The following COPS4 variants were observed in gnomAD, a reference collection of about 807,000 sequenced individuals.
The protein encoded by COPS4 is COP9 signalosome complex subunit 4.
A neutral mutation model predicts 55.1 loss-of-function variants in COPS4; 8 were observed. The observed-to-expected ratio is 0.15, with a 90% confidence interval of 0.09 to 0.26. COPS4 has a LOEUF of 0.26. Ranked by LOEUF, COPS4 falls within the 10% of genes least tolerant of loss-of-function variation. The pLI is 1.00. For missense variants in COPS4, 248 were observed against 484.0 expected, an observed-to-expected ratio of 0.51 and a Z score of 4.58; for synonymous variants, 185 against 165.7, an observed-to-expected ratio of 1.12 and a Z score of -0.90.
At chr4:83,062,361 C>A (rs952442342) in intron 6 of COPS4, among the ~76,000 whole-genome samples, 18 of 152,340 alleles carry the variant, frequency 1.2e-4, no homozygotes, top group African/African-American at 4.3e-4. Flanking sequence ...TCTTCTTTAT[C>A]TGTGGATTCC....
At chr4:83,071,514 G>A (rs1334189330) in intron 9 of COPS4, among the ~76,000 whole-genome samples, 1 of 152,088 alleles carries the variant, frequency 6.6e-6, no homozygotes, top group East Asian at 1.9e-4. Context: ...AAACTCCTGA[G>A]CTCAAGCTGT....
Position 83,075,673 on chromosome 4 carries a change from A to G in COPS4, c.*243A>G, listed in dbSNP as rs1731555441. 4 of 350,232 alleles carry G rather than the reference A, an allele frequency of 1.1e-5. No homozygotes were observed. In the East Asian group the frequency reaches 1.9e-4, roughly 17 times the overall value. The allele number at this position is 350,232 out of a possible 1,614,324, so 21.7% of individuals were successfully genotyped here. A position where few individuals can be genotyped will look rare whatever the true frequency, so the allele number is the denominator to read the frequency against. On this transcript the variant is annotated 3_prime_UTR_variant, in exon 10 of 10. Coordinates refer to ENST00000264389, the MANE Select transcript of COPS4 (RefSeq NM_016129.3). ...TTTTGAAAGCTTTTTCTTTAAACAG[A>G]GGTGAAATATCTGTGGCTAAAAAGT...
chr4:83,057,148 C>T (rs923248906), intron 5 of COPS4, 69 bp downstream of exon 5: 2 of 1,519,298 alleles, frequency 1.3e-6, no homozygotes, highest in Admixed American at 1.8e-5. Flanking sequence ...TGTTCCAGGA[C>T]ATCTGATAGA....
intron 1 of COPS4, among the ~76,000 whole-genome samples, chr4:83,037,196 T>G (rs968126902): frequency 3.3e-5 from 5 of 152,204 alleles, no homozygotes; most frequent in Non-Finnish European, 7.3e-5. Context: ...AGCTTGGGCT[T>G]TCTTAGGTGC....
intron 4 of COPS4, among the ~76,000 whole-genome samples, chr4:83,050,349 G>A (rs951925078): frequency 6.6e-6 from 1 of 152,084 alleles, no homozygotes; most frequent in Non-Finnish European, 1.5e-5. Context: ...CCAGGCTGGA[G>A]TGCAGTGGCA....
chr4:83,042,307 G>T (rs1730589506), intron 1 of COPS4, among the ~76,000 whole-genome samples: 1 of 152,100 alleles, frequency 6.6e-6, no homozygotes, highest in Non-Finnish European at 1.5e-5. Flanking sequence ...ATCTTAAAAT[G>T]CCTAAGGACT....
chr4:83,038,667 G>T (rs1271569292), intron 1 of COPS4, among the ~76,000 whole-genome samples: 1 of 151,894 alleles, frequency 6.6e-6, no homozygotes, highest in Admixed American at 6.6e-5. Context: ...TTGAGATGGA[G>T]TTTCACTCTT....
At chr4:83,061,730 G>A (rs1478524235) in intron 6 of COPS4, among the ~76,000 whole-genome samples, 2 of 149,320 alleles carry the variant, frequency 1.3e-5, no homozygotes, top group Non-Finnish European at 3.0e-5. Flanking sequence ...TTTTTTAGAT[G>A]GAGATGAGGT....
chr4:83,073,597 G>T (rs1227538216), intron 9 of COPS4, among the ~76,000 whole-genome samples: 3 of 152,086 alleles, frequency 2.0e-5, no homozygotes, highest in Non-Finnish European at 4.4e-5. Flanking sequence ...TTATGTTATT[G>T]TATATTTCCA....
intron 7 of COPS4, among the ~76,000 whole-genome samples, chr4:83,066,174 G>C (rs1731288090): frequency 6.6e-6 from 1 of 152,076 alleles, no homozygotes; most frequent in Non-Finnish European, 1.5e-5. Flanking sequence ...TAATTTGATA[G>C]CCTGAAGAAG....
chr4:83,073,377 T>G (rs1731486510), intron 9 of COPS4: 2 of 595,770 alleles, frequency 3.4e-6, no homozygotes, highest in Non-Finnish European at 6.2e-6. Flanking sequence ...CATTCATTTT[T>G]ATAGCCGAAT....
intron 8 of COPS4, 114 bp from the exon 9 acceptor site, chr4:83,068,324 G>A: frequency 4.4e-6 from 3 of 682,952 alleles, no homozygotes; most frequent in Non-Finnish European, 7.7e-6. Context: ...GCAGATTAAT[G>A]TATATGTAAA....
chr4:83,073,120 C>A (rs1377165623), intron 9 of COPS4: 1 of 519,352 alleles, frequency 1.9e-6, no homozygotes, highest in Non-Finnish European at 3.5e-6. Flanking sequence ...CAACCTCTAT[C>A]TCTGTCTAGT....
intron 4 of COPS4, among the ~76,000 whole-genome samples, chr4:83,051,921 G>A (rs1353182882): frequency 1.3e-5 from 2 of 152,194 alleles, no homozygotes; most frequent in East Asian, 1.9e-4. Flanking sequence ...AAGGAAATCA[G>A]AATAATGTGG....
chr4:83,071,085 A>C (rs960891324), intron 9 of COPS4, among the ~76,000 whole-genome samples: 19 of 152,170 alleles, frequency 1.2e-4, no homozygotes, highest in African/African-American at 4.6e-4. Context: ...ATGGCTTTAA[A>C]TTATATATTC....
At chr4:83,058,316 C>T (rs1419085162) in intron 6 of COPS4, among the ~76,000 whole-genome samples, 1 of 152,180 alleles carries the variant, frequency 6.6e-6, no homozygotes, top group African/African-American at 2.4e-5. Context: ...CTCCTGGGCT[C>T]AAGTGATCCT....
intron 4 of COPS4, 41 bp downstream of exon 4, chr4:83,050,025 G>T: frequency 8.9e-7 from 1 of 1,123,654 alleles, no homozygotes; most frequent in South Asian, 1.4e-5. Flanking sequence ...TATATAGGAT[G>T]TATATAATTG....
chr4:83,067,959 T>A (rs1731328930), intron 8 of COPS4, among the ~76,000 whole-genome samples: 2 of 152,236 alleles, frequency 1.3e-5, no homozygotes, highest in African/African-American at 4.8e-5. Flanking sequence ...ACATTAAGTA[T>A]GTCTTCAGGA....
chr4:83,061,207 G>A (rs1731158184), intron 6 of COPS4, among the ~76,000 whole-genome samples: 1 of 150,380 alleles, frequency 6.6e-6, no homozygotes, highest in Non-Finnish European at 1.5e-5. Flanking sequence ...TTTTCTGTTG[G>A]TATGATATGT....
Sources: gnomAD v4.1 joint callset for allele counts (sites outside exome capture counted in the v4.1 genomes callset) on GRCh38, gnomAD v4.1.1 for gene constraint, MANE v1.5 for transcripts, NCBI Gene and HGNC (gene_info 2026-07-23, HGNC 2026-07-21) for gene names.